The following AKAP12 variants were observed in gnomAD, a reference collection of about 807,000 sequenced individuals.
AKAP12 encodes the protein A-kinase anchor protein 12.
In AKAP12, 32 loss-of-function variants were observed where a neutral mutation model predicts 79.9. That is an observed-to-expected ratio of 0.40 (90% CI 0.30 to 0.54). The LOEUF is 0.54. Ranked by LOEUF, AKAP12 falls within the 20% of genes least tolerant of loss-of-function variation. AKAP12 has a pLI of 0.48. For synonymous variants in AKAP12, 808 were observed against 857.0 expected (o/e 0.94, Z 1.00); for missense variants, 2,074 against 2,177.0 (o/e 0.95, Z 0.94).
intron 3 of AKAP12, among the ~76,000 whole-genome samples, chr6:151,315,054 GAA>G (rs75653442): frequency 2.3e-5 from 3 of 129,352 alleles, no homozygotes; most frequent in Non-Finnish European, 5.0e-5. Flanking sequence ...TCTGTCTCAA[GAA>G]AAAAAAAAAA....
intron 2 of AKAP12, 30 bp downstream of exon 2, chr6:151,240,754 G>A: frequency 8.0e-7 from 1 of 1,243,310 alleles, no homozygotes; most frequent in Non-Finnish European, 1.0e-6. Flanking sequence ...CCTGCGCCGG[G>A]AGGCGCGGGT....
Position 151,353,412 on chromosome 6 carries a change from CTG to C in AKAP12, c.5024_5025del (p.Val1675AlafsTer4). 6.2e-7 allele frequency: 1 copy of C among 1,614,168 alleles called. No individual in the cohort carries two copies. The highest frequency in any genetic ancestry group is 1.1e-5 in the South Asian group (1 of 91,080). Reference sequence around the variant, plus strand: ...GAGGGAGGTGGAGCTGGAACAAAGTCTGTGCCAGAAGATGATGGTCATGCCTT... The same window carrying C: ...GAGGGAGGTGGAGCTGGAACAAAGTCTGCCAGAAGATGATGGTCATGCCTT... On this transcript the variant is annotated frameshift_variant, in exon 4 of 5. Coordinates refer to ENST00000402676, the MANE Select transcript of AKAP12 (RefSeq NM_005100.4). LOFTEE classifies it low-confidence loss of function (END_TRUNC).
At chr6:151,312,316 T>TA (rs535078459) in intron 3 of AKAP12, among the ~76,000 whole-genome samples, 1 of 150,218 alleles carries the variant, frequency 6.7e-6, no homozygotes, top group African/African-American at 2.5e-5. Context: ...TACGAACGTT[T>TA]AAAAAAATTA....
intron 3 of AKAP12, among the ~76,000 whole-genome samples, chr6:151,321,094 C>T (rs1001002523): frequency 6.6e-6 from 1 of 151,870 alleles, no homozygotes; most frequent in Non-Finnish European, 1.5e-5. Context: ...TCAAGTGATT[C>T]TCATGCCTCA....
At chr6:151,348,680 T>TTTACCCC in intron 3 of AKAP12, 31 bp from the exon 4 acceptor site, 1 of 355,202 alleles carries the variant, frequency 2.8e-6, no homozygotes. Flanking sequence ...TTTTCTCTTC[T>TTTACCCC]CCCCACCCCC....
chr6:151,296,564 G>T (rs1333527865), intron 2 of AKAP12, among the ~76,000 whole-genome samples: 3 of 152,158 alleles, frequency 2.0e-5, no homozygotes, highest in African/African-American at 7.2e-5. Flanking sequence ...ATCACCTGAG[G>T]TCAGGAGCTT....
intron 2 of AKAP12, among the ~76,000 whole-genome samples, chr6:151,257,301 T>G (rs1797321244): frequency 6.6e-6 from 1 of 152,094 alleles, no homozygotes; most frequent in Non-Finnish European, 1.5e-5. Flanking sequence ...TATTCATTTA[T>G]TTGTATTTTA....
intron 2 of AKAP12, among the ~76,000 whole-genome samples, chr6:151,290,146 C>T (rs1010937050): frequency 6.6e-6 from 1 of 152,198 alleles, no homozygotes; most frequent in Non-Finnish European, 1.5e-5. Flanking sequence ...AAACATTATT[C>T]TGGCACCTAT....
chr6:151,255,373 G>T (rs1036035753), intron 2 of AKAP12, among the ~76,000 whole-genome samples: 3 of 151,968 alleles, frequency 2.0e-5, no homozygotes, highest in Admixed American at 6.6e-5. Flanking sequence ...CATGTTGAGG[G>T]TGGTCTCGAA....
chr6:151,344,160 G>T (rs1582896096), intron 3 of AKAP12, among the ~76,000 whole-genome samples: 2 of 152,228 alleles, frequency 1.3e-5, no homozygotes, highest in East Asian at 3.9e-4. Flanking sequence ...AGATTCTTGG[G>T]TTTTTCTTGA....
At chr6:151,290,933 C>T (rs1330959274) in intron 2 of AKAP12, among the ~76,000 whole-genome samples, 1 of 152,146 alleles carries the variant, frequency 6.6e-6, no homozygotes, top group Non-Finnish European at 1.5e-5. Context: ...TTCCTTCTCA[C>T]CCTCTCCCCT....
chr6:151,285,406 G>GTGTGTGTGTT (rs1776484689), intron 2 of AKAP12, among the ~76,000 whole-genome samples: 1 of 150,750 alleles, frequency 6.6e-6, no homozygotes, highest in Non-Finnish European at 1.5e-5. Flanking sequence ...GTGTGTGTGT[G>GTGTGTGTGTT]TGTGTGTGTG....
chr6:151,302,177 A>G lies in AKAP12; in HGVS notation c.163-3570A>G, dbSNP rs561598838. On this transcript the variant is annotated intron_variant, in intron 2 of 4. Coordinates refer to ENST00000402676, the MANE Select transcript of AKAP12 (RefSeq NM_005100.4). ...AGGCGCACACCACCACACTTGGCTA[A>G]TTTTTTGCATTTTTAGTAGAGACGG... Among the ~76,000 whole-genome samples, 6 of 151,600 alleles carry G rather than the reference A, an allele frequency of 4.0e-5. No individual in the cohort carries two copies. The East Asian group carries it at 1.2e-3, about 30-fold the overall frequency.
chr6:151,313,590 TC>T (rs1777167548), intron 3 of AKAP12, among the ~76,000 whole-genome samples: 1 of 152,210 alleles, frequency 6.6e-6, no homozygotes, highest in Admixed American at 6.5e-5. Flanking sequence ...AGATTTATTT[TC>T]CTGTAATCAG....
chr6:151,334,845 G>A (rs1353530344), intron 3 of AKAP12, among the ~76,000 whole-genome samples: 1 of 151,910 alleles, frequency 6.6e-6, no homozygotes, highest in African/African-American at 2.4e-5. Context: ...GGATGGTCTT[G>A]ATCTCCTGAC....
intron 2 of AKAP12, among the ~76,000 whole-genome samples, chr6:151,283,100 T>C (rs1009652853): frequency 6.6e-6 from 1 of 152,146 alleles, no homozygotes; most frequent in African/African-American, 2.4e-5. Flanking sequence ...ATAAGGAGGC[T>C]GGGCTCCATT....
intron 2 of AKAP12, among the ~76,000 whole-genome samples, chr6:151,290,038 C>T (rs1363096382): frequency 6.6e-6 from 1 of 152,194 alleles, no homozygotes; most frequent in African/African-American, 2.4e-5. Flanking sequence ...TGGGACGAGG[C>T]ATCTGAACAA....
intron 3 of AKAP12, among the ~76,000 whole-genome samples, chr6:151,340,729 A>G (rs1228181440): frequency 2.6e-5 from 4 of 151,936 alleles, no homozygotes; most frequent in African/African-American, 9.7e-5. Context: ...AGGTTCCACC[A>G]TGCCTTGGCC....
rs1796950133 is a variant in AKAP12 at position 151,240,527 on chromosome 6, C to T, written c.-36C>T. On this transcript the variant is annotated 5_prime_UTR_variant, in exon 2 of 5. Transcript: ENST00000402676. ...TCCCTGCGGCTTGGGGAAGGCGTAA[C>T]CCGGCGGCTAGGCGCGGGAGAAGTG... The T allele has an allele frequency of 7.1e-7, 1 of 1,409,686 alleles. No individual in the cohort carries two copies. The highest frequency in any genetic ancestry group is 9.2e-7 in the Non-Finnish European group (1 of 1,087,872). The allele number at this position is 1,409,686 out of a possible 1,614,324, so 87.3% of individuals were successfully genotyped here. A position where few individuals can be genotyped will look rare whatever the true frequency, so the allele number is the denominator to read the frequency against.
Sources: allele counts gnomAD v4.1 joint callset (sites outside exome capture counted in the v4.1 genomes callset), GRCh38; gene constraint gnomAD v4.1.1; transcripts MANE v1.5; gene names NCBI Gene and HGNC (gene_info 2026-07-23, HGNC 2026-07-21).